The following TTN variants were observed in gnomAD, a reference collection of about 807,000 sequenced individuals.
TTN encodes connectin.
Under a neutral mutation model 3,223.0 loss-of-function variants are expected in TTN, and 1,525 were observed. The ratio of observed to expected loss-of-function variants is 0.47; its 90% CI spans 0.45 to 0.49. The LOEUF (loss-of-function observed/expected upper bound fraction) is 0.49. Among genes scored for constraint, TTN ranks in the 20% least tolerant of loss-of-function variants. The pLI, the probability that TTN is intolerant of heterozygous loss-of-function variation, is 0.00. For synonymous variants in TTN, 14,094 were observed against 15,161.0 expected (o/e 0.93, Z 5.17); for missense variants, 40,786 against 43,424.0 (o/e 0.94, Z 5.40).
intron 163 of TTN, 141 bp downstream of exon 163, chr2:178,666,683 G>A: frequency 1.6e-6 from 1 of 642,218 alleles, no homozygotes; most frequent in African/African-American, 1.9e-5. Context: ...AATACATTTG[G>A]TTGAGCTTCT....
rs751709914 is a variant in TTN, at chr2:178,635,166, G to T, written c.42023C>A (p.Pro14008His). 8 of 1,612,656 alleles carry T rather than the reference G, an allele frequency of 5.0e-6. No homozygotes were observed. The South Asian group carries it at 7.7e-5, about 16-fold the overall frequency. ...KLKGELLRPS[P>H]TCEIKAEGGK... ...AATTTAAAATGTGAAATTACTCACA[G>T]GTGAGGGCCTTAGAAGTTCTCCTTT... The change falls in exon 228 of 363, where the codon CCT becomes CAT. Residue 14008 changes from proline (P) to histidine (H), a missense_variant and splice_region_variant. Physicochemically the swap from Pro to His is moderately conservative, Grantham distance 77 (BLOSUM62 -2). Coordinates refer to ENST00000589042, the MANE Select transcript of TTN (RefSeq NM_001267550.2).
Position 178,593,855 on chromosome 2 carries a change from G to T in TTN, c.58445C>A (p.Pro19482Gln). Residue 19482 changes from proline (P) to glutamine (Q), a missense_variant, in exon 298 of 363, where the codon CCA (proline) becomes CAA (glutamine). Coordinates refer to ENST00000589042, the MANE Select transcript of TTN (RefSeq NM_001267550.2). ...CQVNVVDRPG[P>Q]PVGPVSFDEV... is the part of the protein sequence containing the mutation. ...ATCAAAACTAACTGGTCCTACTGGT[G>T]GTCCAGGACGGTCTGCAGAAAAAAA... 6.2e-7 allele frequency: 1 copy of T among 1,608,812 alleles called. No individual in the cohort carries two copies. Among genetic ancestry groups the T allele is most frequent in the Non-Finnish European group, 8.5e-7 (1 of 1,178,680 alleles).
chr2:178,552,898 G>A lies in TTN; in HGVS notation c.90002C>T (p.Thr30001Ile). ...TGCAAGAACTCTGAAGAAGAATGGA[G>A]TCTTCTCCGACAAATCTATTAGCTT... is the stretch of plus-strand genomic sequence containing the variant. ...SFKLIDLSEK[T>I]PFFFRVLAEN... The change falls in exon 335 of 363, where the codon ACT becomes ATT. Residue 30001 changes from threonine (T) to isoleucine (I), a missense_variant. Coordinates refer to ENST00000589042, the MANE Select transcript of TTN (RefSeq NM_001267550.2). 1 of 1,613,786 alleles carries A rather than the reference G, an allele frequency of 6.2e-7. No homozygotes were observed.
In TTN at chr2:178,594,477, C is replaced by G. The variant is rs368025965; in HGVS notation, c.58017G>C (p.Leu19339Phe). The G allele has an allele frequency of 1.1e-4, 180 of 1,613,226 alleles. No homozygotes were observed. Among genetic ancestry groups the G allele is most frequent in the Non-Finnish European group, 1.5e-4 (173 of 1,179,548 alleles). The change falls in exon 296 of 363, where the codon TTG (leucine) becomes TTC (phenylalanine). Residue 19339 changes from leucine to phenylalanine, a missense_variant. Physicochemically the swap from Leu to Phe is conservative, Grantham distance 22 (BLOSUM62 0). Transcript: ENST00000589042. ...EKFHKVTNDN[L>F]LSRKYTVKGL... ...CTTTAACAGTGTATTTTCTGCTAAG[C>G]AAGTTGTCATTTGTAACTTTGTGGA...
intron 47 of TTN, chr2:178,746,087 A>C (rs2083470839): frequency 1.2e-6 from 2 of 1,613,482 alleles, no homozygotes; most frequent in South Asian, 2.2e-5. Flanking sequence ...TCGAATTTTA[A>C]GAGTGTGACT....
rs727503563 is a variant in TTN at position 178,574,223 on chromosome 2, C to T, written c.71909G>A (p.Arg23970Gln). The T allele has an allele frequency of 7.4e-6, 12 of 1,613,214 alleles. No homozygotes were observed. Among genetic ancestry groups the T allele is most frequent in the African/African-American group, 2.7e-5 (2 of 74,884 alleles). The change falls in exon 326 of 363, where the codon CGG (arginine) becomes CAG (glutamine). Residue 23970 changes from arginine to glutamine, a missense_variant. Physicochemically the swap from Arg to Gln is conservative, Grantham distance 43. Coordinates refer to ENST00000589042, the MANE Select transcript of TTN (RefSeq NM_001267550.2). ...IVEKRDLPNG[R>Q]WLKANFSNIL... ...GTTGCTGAAGTTGGCCTTCAGCCAC[C>T]GTCCATTAGGAAGGTCTCTCTTTTC...
At position 178,557,043 on chromosome 2, in the gene TTN, T is replaced by C. The variant is rs1229603276; in HGVS notation, c.88111A>G (p.Ile29371Val). Residue 29371 changes from isoleucine (I) to valine (V), a missense_variant, in exon 330 of 363, where the codon ATT becomes GTT. Transcript: ENST00000589042. ...TCTGGAAGGTCACGTCTCTCAACAA[T>C]GTAGCCTGTAATCTTGCTACCTCCA... ...FDGGSKITGY[I>V]VERRDLPDGR... 2 of 1,613,774 alleles carry C rather than the reference T, an allele frequency of 1.2e-6. No homozygotes were observed. The highest frequency in any genetic ancestry group is 1.7e-5 in the Admixed American group (1 of 60,014).
At chr2:178,687,133 C>T (rs1423860377) in intron 127 of TTN, among the ~76,000 whole-genome samples, 4 of 152,188 alleles carry the variant, frequency 2.6e-5, no homozygotes, top group African/African-American at 9.6e-5. Flanking sequence ...CATGGTGTGC[C>T]ATCTTTTATT....
chr2:178,718,567 A>G lies in TTN; in HGVS notation c.24539T>C (p.Phe8180Ser). ...TATGGGGCTTCCTGTCTCAACACTG[A>G]AATCAGCCAATCTTTTCACAAAGGT... ...PATFVKRLAD[F>S]SVETGSPIVL... is the part of the protein sequence containing the mutation. Residue 8180 changes from phenylalanine to serine, a missense_variant, in exon 85 of 363, where the codon TTC becomes TCC. Physicochemically the swap from Phe to Ser is radical, Grantham distance 155 (BLOSUM62 -2). Transcript: ENST00000589042. The G allele has an allele frequency of 6.2e-7, 1 of 1,613,148 alleles. No individual in the cohort carries two copies. Among genetic ancestry groups the G allele is most frequent in the Non-Finnish European group, 8.5e-7 (1 of 1,179,312 alleles).
At chr2:178,737,149 G>A (rs1050618260) in intron 49 of TTN, among the ~76,000 whole-genome samples, 2 of 152,068 alleles carry the variant, frequency 1.3e-5, no homozygotes, top group African/African-American at 4.8e-5. Context: ...AGGAAGGAAA[G>A]AAGGTAGGAA....
Position 178,604,828 on chromosome 2 carries a change from A to C in TTN, c.54261T>G (p.Asp18087Glu), listed in dbSNP as rs752954226. 5 of 1,612,260 alleles carry C rather than the reference A, an allele frequency of 3.1e-6. No individual in the cohort carries two copies. Among genetic ancestry groups the C allele is most frequent in the Non-Finnish European group, 3.4e-6 (4 of 1,179,020 alleles). ...IKAESCYLTW[D>E]APLDNGGSEI... ...CACTGCCACCATTATCAAGAGGGGC[A>C]TCCCATGTCAAGTAGCAAGATTCAG... The change falls in exon 281 of 363, where the codon GAT becomes GAG. Residue 18087 changes from aspartate to glutamate, a missense_variant. By Grantham distance (45) the Asp-to-Glu change is conservative. Transcript: ENST00000589042.
rs760654464 is a variant in TTN at position 178,723,118 on chromosome 2, C to T, written c.21889G>A (p.Ala7297Thr). ...LEILNSTKRD[A>T]GQYSCEIENE... ...TCAATCTCGCAGGAATACTGCCCTG[C>T]ATCTCTTTTTGTGCTATTCAGAATT... Residue 7297 changes from alanine (A) to threonine (T), a missense_variant, in exon 75 of 363, where the codon GCA becomes ACA. Physicochemically the swap from Ala to Thr is moderately conservative, Grantham distance 58. Transcript: ENST00000589042. 6.2e-7 allele frequency: 1 copy of T among 1,613,502 alleles called. No individual in the cohort carries two copies. The highest frequency in any genetic ancestry group is 2.2e-5 in the East Asian group (1 of 44,872).
Position 178,776,849 on chromosome 2 carries a change from A to C in TTN, c.5015T>G (p.Ile1672Ser). ...GAGGGGCTCCAGTTCTGGGGCTGCA[A>C]TCTCCTTTGCTCTATATGTCCCCCG... is the stretch of plus-strand genomic sequence containing the variant. ...IPRGTYRAKEIAAPELEPLHL... is the reference protein window; with the variant it reads ...IPRGTYRAKESAAPELEPLHL... The change falls in exon 28 of 363, where the codon ATT (isoleucine) becomes AGT (serine). Residue 1672 changes from isoleucine (I) to serine (S), a missense_variant. By Grantham distance (142) the Ile-to-Ser change is moderately radical. Transcript: ENST00000589042. 6.2e-7 allele frequency: 1 copy of C among 1,614,048 alleles called. No homozygotes were observed. Among genetic ancestry groups the C allele is most frequent in the South Asian group, 1.1e-5 (1 of 91,074 alleles).
chr2:178,628,245 T>C (rs189770976), intron 240 of TTN, among the ~76,000 whole-genome samples: 28 of 152,214 alleles, frequency 1.8e-4, no homozygotes, highest in Middle Eastern at 3.4e-3. Context: ...CTTGAAGGCA[T>C]TGCTTTCAAA....
At chr2:178,685,414 A>G in intron 128 of TTN, 84 bp from the exon 129 acceptor site, 4 of 1,463,508 alleles carry the variant, frequency 2.7e-6, no homozygotes, top group Non-Finnish European at 3.7e-6. Context: ...ATTAGACATG[A>G]TATTTATCAA....
chr2:178,548,071 A>G lies in TTN; in HGVS notation c.93555T>C (p.Arg31185=), dbSNP rs779930096. ...AGCCAGCATCATTCTTGGCCTTCAC[A>G]CGGAATTCATATTCAGTTTTCTCAA... is the stretch of plus-strand genomic sequence containing the variant. The part of the protein sequence containing the change: ...RLVEKTEYEF[R]VKAKNDAGYS... Residue 31185 remains arginine, a synonymous_variant, in exon 339 of 363, where the codon CGT becomes CGC. Coordinates refer to ENST00000589042, the MANE Select transcript of TTN (RefSeq NM_001267550.2). The surrounding 1 kb of genome is among the most constrained non-coding windows in gnomAD (Gnocchi z 4.3). The G allele has an allele frequency of 4.3e-6, 7 of 1,613,730 alleles. 1 individual carries two copies. The South Asian group carries it at 6.6e-5, about 15-fold the overall frequency.
Position 178,621,249 on chromosome 2 carries a change from TA to T in TTN, c.45468del (p.Asp15156GlufsTer21). On this transcript the variant is annotated frameshift_variant, in exon 246 of 363. Coordinates refer to ENST00000589042, the MANE Select transcript of TTN (RefSeq NM_001267550.2). LOFTEE classifies it high-confidence loss of function. Reference protein sequence around the residue: ...ESFPVQWKRDDKTLESGDKYD... With the variant: ...ESFPVQWKRDXKTLESGDKYD... ...TATTTATCTCCAGATTCAAGTGTCT[TA>T]TCATCCCTCTTCCACTGGACTGGAA... The T allele has an allele frequency of 6.2e-7, 1 of 1,612,346 alleles. No homozygotes were observed. The highest frequency in any genetic ancestry group is 8.5e-7 in the Non-Finnish European group (1 of 1,179,110).
At chr2:178,625,696 T>C (rs969643654) in intron 240 of TTN, among the ~76,000 whole-genome samples, 11 of 151,966 alleles carry the variant, frequency 7.2e-5, no homozygotes, top group African/African-American at 2.7e-4. Context: ...TAGCATTGGG[T>C]ATAAGGACTA....
In TTN at chr2:178,575,389, G is replaced by A. The variant is rs375194057; in HGVS notation, c.70743C>T (p.His23581=). The A allele has an allele frequency of 3.3e-5, 54 of 1,613,646 alleles. No homozygotes were observed. The highest frequency in any genetic ancestry group is 6.7e-5 in the East Asian group (3 of 44,782). The change falls in exon 326 of 363, where the codon CAC becomes CAT. Residue 23581 remains histidine (H), a synonymous_variant. Coordinates refer to ENST00000589042, the MANE Select transcript of TTN (RefSeq NM_001267550.2). The surrounding 1 kb of genome is among the most constrained non-coding windows in gnomAD (Gnocchi z 4.0). ...ATTCTAACCCTTTCACGGTTGTGAT[G>A]TGGGTCCACTGGTCAGAGCCTTTTC... is the stretch of plus-strand genomic sequence containing the variant. The part of the protein sequence containing the change: ...AQRKGSDQWT[H]ITTVKGLECV...
Sources: gnomAD v4.1 joint callset for allele counts (sites outside exome capture counted in the v4.1 genomes callset) on GRCh38, gnomAD v4.1.1 for gene constraint, Gnocchi (gnomAD v3.1) non-coding constraint, MANE v1.5 for transcripts, NCBI Gene and HGNC (gene_info 2026-07-23, HGNC 2026-07-21) for gene names.